PKD1L3: variants seen among roughly 807,000 people sequenced by gnomAD.
PKD1L3 encodes polycystin-1-like protein 3.
PKD1L3 carries 239 observed loss-of-function variants against 184.1 expected under a neutral mutation model. The observed-to-expected ratio is 1.30, with a 90% CI of 1.17 to 1.45. PKD1L3 has a LOEUF of 1.45. Ranked by LOEUF, PKD1L3 falls within the 40% of genes most tolerant of loss-of-function variation. The pLI is 0.00. For synonymous variants in PKD1L3, 996 were observed against 778.8 expected (o/e 1.28, Z -4.64); for missense variants, 2,660 against 2,067.2 (o/e 1.29, Z -5.56).
chr16:71,994,345 C>T lies in PKD1L3; in HGVS notation c.419-1013G>A, dbSNP rs562644940. ...TTAGGTCAGGTGATAACCTTGCTTT[C>T]TAACTCAAGGGGAATATCAAAGCAA... On this transcript the variant is annotated intron_variant, in intron 2 of 29. Coordinates refer to ENST00000620267, the MANE Select transcript of PKD1L3 (RefSeq NM_181536.2). Among the ~76,000 whole-genome samples, 6 of 152,212 alleles carry T rather than the reference C, an allele frequency of 3.9e-5. No individual in the cohort carries two copies. In the South Asian group the frequency reaches 1.2e-3, roughly 32 times the overall value.
chr16:71,996,286 G>A lies in PKD1L3; in HGVS notation c.418+1986C>T, dbSNP rs201233108. Among the ~76,000 whole-genome samples the A allele has an allele frequency of 4.8e-5, 6 of 126,166 alleles. No homozygotes were observed. The East Asian group carries it at 1.3e-3, about 28-fold the overall frequency. The allele number at this position is 126,166 out of a possible 152,430, so 82.8% of individuals were successfully genotyped here. A position where few individuals can be genotyped will look rare whatever the true frequency, so the allele number is the denominator to read the frequency against. The stretch of plus-strand genomic sequence containing the variant: ...TTTTTTTTTTTTTTTTTTCTGAGAC[G>A]GAGTCTTGCTCTGTCACCAGGCTAG... On this transcript the variant is annotated intron_variant, in intron 2 of 29. Coordinates refer to ENST00000620267, the MANE Select transcript of PKD1L3 (RefSeq NM_181536.2).
At chr16:71,933,273 G>A in intron 28 of PKD1L3, 147 bp downstream of exon 28, 1 of 653,302 alleles carries the variant, frequency 1.5e-6, no homozygotes. Context: ...TGCATAGGCA[G>A]TACCATAAAG....
At chr16:71,997,411 ACCC>A (rs113598590) in intron 2 of PKD1L3, among the ~76,000 whole-genome samples, 1 of 140,438 alleles carries the variant, frequency 7.1e-6, no homozygotes, top group East Asian at 2.1e-4. Context: ...ACATAACAAG[ACCC>A]CCCCCCCCAC....
chr16:71,997,215 T>C lies in PKD1L3; in HGVS notation c.418+1057A>G, dbSNP rs369761442. Among the ~76,000 whole-genome samples the C allele has an allele frequency of 1.4e-4, 21 of 152,298 alleles. 1 individual carries two copies. The highest frequency in any genetic ancestry group is 1.0e-3 in the Admixed American group (16 of 15,302). On this transcript the variant is annotated intron_variant, in intron 2 of 29. Transcript: ENST00000620267. ...GCTATAAGCATCCATATACATAGTT[T>C]TACGTGAGCACAGGTTTTCTCATTC... is the stretch of plus-strand genomic sequence containing the variant.
chr16:71,975,579 T>G (rs945204388), intron 11 of PKD1L3, among the ~76,000 whole-genome samples: 5 of 150,856 alleles, frequency 3.3e-5, no homozygotes, highest in South Asian at 2.1e-4. Flanking sequence ...GCTGTGAGCC[T>G]TACTTCTGCT....
chr16:71,937,218 G>A (rs1464565145), intron 25 of PKD1L3, 74 bp downstream of exon 25: 9 of 1,440,056 alleles, frequency 6.2e-6, no homozygotes, highest in South Asian at 1.3e-5. Context: ...ACCACACCTG[G>A]GTAATTTTTG....
At chr16:71,987,959 AT>A (rs947139434) in intron 4 of PKD1L3, among the ~76,000 whole-genome samples, 130 of 152,150 alleles carry the variant, frequency 8.5e-4, no homozygotes, top group African/African-American at 2.9e-3. Flanking sequence ...CAGGAGGGGG[AT>A]TCAATAAGAT....
chr16:71,968,963 C>T (rs1252335754), intron 13 of PKD1L3, among the ~76,000 whole-genome samples: 2 of 146,680 alleles, frequency 1.4e-5, no homozygotes, highest in Admixed American at 6.9e-5. Flanking sequence ...CTCACTCTGT[C>T]GGCCAGGCTG....
Position 71,999,998 on chromosome 16 carries a change from G to C in PKD1L3, c.-20C>G, listed in dbSNP as rs1312540739. 2 of 1,489,334 alleles carry C rather than the reference G, an allele frequency of 1.3e-6. No individual in the cohort carries two copies. Among genetic ancestry groups the C allele is most frequent in the East Asian group, 2.5e-5 (1 of 39,618 alleles). 92.3% of individuals were successfully genotyped at this position (1,489,334 alleles called of 1,614,324 possible). Reference sequence around the variant, plus strand: ...GAACATTTTCTCTGAATTGTAGCAAGAAAAAGTGTGGGGGTTTAGCAGCTG... The same window carrying C: ...GAACATTTTCTCTGAATTGTAGCAACAAAAAGTGTGGGGGTTTAGCAGCTG... On this transcript the variant is annotated 5_prime_UTR_variant, in exon 1 of 30. Coordinates refer to ENST00000620267, the MANE Select transcript of PKD1L3 (RefSeq NM_181536.2).
At chr16:71,964,957 C>A (rs2143557013) in intron 15 of PKD1L3, among the ~76,000 whole-genome samples, 1 of 151,924 alleles carries the variant, frequency 6.6e-6, no homozygotes, top group Middle Eastern at 3.4e-3. Flanking sequence ...AGTGATTCTC[C>A]CGCCTCAGCC....
chr16:71,981,989 G>C, intron 7 of PKD1L3, 70 bp downstream of exon 7: 2 of 1,377,824 alleles, frequency 1.5e-6, no homozygotes, highest in South Asian at 3.1e-5. Flanking sequence ...GGGAGAGGCT[G>C]TGATACCTGG....
intron 22 of PKD1L3, among the ~76,000 whole-genome samples, chr16:71,944,695 T>A (rs1293542869): frequency 5.8e-5 from 4 of 69,364 alleles, no homozygotes; most frequent in Non-Finnish European, 1.3e-4. Context: ...ACCATATCTG[T>A]TTTTTGTTTG....
intron 27 of PKD1L3, 89 bp downstream of exon 27, chr16:71,933,826 T>A (rs975719490): frequency 6.1e-5 from 86 of 1,414,966 alleles, no homozygotes; most frequent in Non-Finnish European, 8.1e-5. Context: ...CCACCTCGGG[T>A]TTCTGTGTTG....
At chr16:71,957,798 A>C (rs905189802) in intron 16 of PKD1L3, among the ~76,000 whole-genome samples, 1 of 152,200 alleles carries the variant, frequency 6.6e-6, no homozygotes, top group Non-Finnish European at 1.5e-5. Context: ...ACAGCAATCA[A>C]AAAAGGGCTG....
intron 5 of PKD1L3, 109 bp downstream of exon 5, chr16:71,986,112 C>G: frequency 7.2e-7 from 1 of 1,385,866 alleles, no homozygotes. Context: ...GGCATATACG[C>G]TGGTCTGTCA....
intron 28 of PKD1L3, chr16:71,930,613 A>G (rs1374935107): frequency 1.3e-5 from 2 of 152,932 alleles, no homozygotes; most frequent in African/African-American, 4.8e-5. Flanking sequence ...GCATTCCAAT[A>G]AAAGTTAACA....
At chr16:71,970,488 CTG>C (rs754477315) in intron 12 of PKD1L3, among the ~76,000 whole-genome samples, 3 of 152,148 alleles carry the variant, frequency 2.0e-5, no homozygotes, top group Non-Finnish European at 2.9e-5. Context: ...CAGAGGCAAA[CTG>C]ATTGAATTCT....
At chr16:71,972,575 T>G (rs1415370807) in intron 12 of PKD1L3, among the ~76,000 whole-genome samples, 1 of 150,818 alleles carries the variant, frequency 6.6e-6, no homozygotes, top group Non-Finnish European at 1.5e-5. Context: ...TCCTCATTAC[T>G]TGAAAGTTTG....
At chr16:71,972,093 G>C (rs2039734359) in intron 12 of PKD1L3, among the ~76,000 whole-genome samples, 1 of 152,288 alleles carries the variant, frequency 6.6e-6, no homozygotes, top group African/African-American at 2.4e-5. Flanking sequence ...GTGGGTGCCT[G>C]TAGTCCTAGC....
Sources: gnomAD v4.1 joint callset for allele counts (sites outside exome capture counted in the v4.1 genomes callset) on GRCh38, gnomAD v4.1.1 for gene constraint, MANE v1.5 for transcripts, NCBI Gene and HGNC (gene_info 2026-07-23, HGNC 2026-07-21) for gene names.